Variants in COA4 observed in about 807,000 individuals in gnomAD.
COA4 encodes cytochrome c oxidase assembly factor 4 homolog, mitochondrial.
A neutral mutation model predicts 7.3 loss-of-function variants in COA4; 8 were observed. The ratio of observed to expected loss-of-function variants is 1.10; its 90% CI spans 0.64 to 1.98. COA4 has a LOEUF of 1.98. COA4 is among the 30% of genes most tolerant of loss of function. The probability of loss-of-function intolerance (pLI) is 0.00; values close to 1 mark genes in which losing one functional copy is unlikely to be tolerated. For synonymous variants in COA4, 42 were observed against 44.3 expected, an observed-to-expected ratio of 0.95 and a Z score of 0.21; for missense variants, 96 against 111.2, an observed-to-expected ratio of 0.86 and a Z score of 0.62.
intron 1 of COA4, among the ~76,000 whole-genome samples, chr11:73,875,016 G>T (rs190627422): frequency 6.6e-6 from 1 of 152,260 alleles, no homozygotes; most frequent in East Asian, 1.9e-4. Flanking sequence ...AAGTGAAAGA[G>T]TGCCCAAATA....
In COA4 at chr11:73,873,325, G is replaced by A. The variant is rs767547934; in HGVS notation, c.54C>T (p.Asp18=). The A allele has an allele frequency of 1.3e-5, 21 of 1,614,074 alleles. No individual in the cohort carries two copies. Among genetic ancestry groups the A allele is most frequent in the Middle Eastern group, 1.6e-4 (1 of 6,082 alleles). ...GHTWTQRVKK[D]DEEEDPLDQL... is the part of the protein sequence containing the mutation. ...GGTCCAGCGGGTCCTCCTCCTCATCGTCTTTCTTCACCCGTTGGGTCCAGG... is the reference window on the plus strand; with the variant it reads ...GGTCCAGCGGGTCCTCCTCCTCATCATCTTTCTTCACCCGTTGGGTCCAGG... The change falls in exon 2 of 2, where the codon GAC becomes GAT. Residue 18 remains aspartate, a synonymous_variant. Transcript: ENST00000355693.
chr11:73,873,001 A>C lies in COA4; in HGVS notation c.*114T>G. On this transcript the variant is annotated 3_prime_UTR_variant, in exon 2 of 2. Transcript: ENST00000355693. Reference sequence around the variant, plus strand: ...CATGGCTCTCAACTCCAGATCCAAAAACTCTCCCCATGTTTTAGACCTCCC... The same window carrying C: ...CATGGCTCTCAACTCCAGATCCAAACACTCTCCCCATGTTTTAGACCTCCC... 1.4e-6 allele frequency: 2 copies of C among 1,393,392 alleles called. No individual in the cohort carries two copies. The highest frequency in any genetic ancestry group is 2.4e-5 in the Admixed American group (1 of 41,804). The allele number at this position is 1,393,392 out of a possible 1,614,324, so 86.3% of individuals were successfully genotyped here. A position where few individuals can be genotyped will look rare whatever the true frequency, so the allele number is the denominator to read the frequency against.
In COA4 at chr11:73,873,292, G is replaced by A; in HGVS notation, c.87C>T (p.Ile29=). Residue 29 remains isoleucine (I), a synonymous_variant, in exon 2 of 2, where the codon ATC becomes ATT. Transcript: ENST00000355693. ...GGGAGGCAGCACAGCCAGAGCGGGA[G>A]ATCAGCTGGTCCAGCGGGTCCTCCT... is the stretch of plus-strand genomic sequence containing the variant. ...DEEEDPLDQL[I]SRSGCAASHF... 1 of 1,614,254 alleles carries A rather than the reference G, an allele frequency of 6.2e-7. No individual in the cohort carries two copies. The highest frequency in any genetic ancestry group is 8.5e-7 in the Non-Finnish European group (1 of 1,180,046).
At chr11:73,873,555 T>C (rs1298631655) in intron 1 of COA4, 161 bp from the exon 2 acceptor site, 3 of 629,286 alleles carry the variant, frequency 4.8e-6, no homozygotes, top group Admixed American at 3.4e-5. Context: ...TTTTTTTTTT[T>C]GAGGGTGTCT....
In COA4 at chr11:73,873,138, C is replaced by G. The variant is rs758391794; in HGVS notation, c.241G>C (p.Glu81Gln). Residue 81 changes from glutamate to glutamine, a missense_variant, in exon 2 of 2, where the codon GAA becomes CAA. By Grantham distance (29) the Glu-to-Gln change is conservative (BLOSUM62 2). Transcript: ENST00000355693. Reference sequence around the variant, plus strand: ...TCTCAGTGGTGGGCACCGGCTTGTTCTTGCCTCCTCTGCAGCTCCTCTTGC... The same window carrying G: ...TCTCAGTGGTGGGCACCGGCTTGTTGTTGCCTCCTCTGCAGCTCCTCTTGC... ...RRQEELQRRQ[E>Q]QAGAHH The G allele has an allele frequency of 6.2e-7, 1 of 1,610,162 alleles. No individual in the cohort carries two copies. Among genetic ancestry groups the G allele is most frequent in the Non-Finnish European group, 8.5e-7 (1 of 1,177,542 alleles).
At chr11:73,875,283 T>C (rs745438074) in intron 1 of COA4, among the ~76,000 whole-genome samples, 1 of 152,246 alleles carries the variant, frequency 6.6e-6, no homozygotes, top group Non-Finnish European at 1.5e-5. Context: ...TGATGGGCTG[T>C]AAAGCAACTA....
At chr11:73,873,512 C>A in intron 1 of COA4, 118 bp from the exon 2 acceptor site, 7 of 777,992 alleles carry the variant, frequency 9.0e-6, no homozygotes, top group African/African-American at 1.8e-5. Context: ...CCGTGGGAGA[C>A]TCTAAGCTTG....
chr11:73,875,826 T>A (rs149848516), intron 1 of COA4: 1 of 152,186 alleles, frequency 6.6e-6, no homozygotes, highest in East Asian at 1.9e-4. Flanking sequence ...CAAGAGGGAG[T>A]TAGGCACTTT....
chr11:73,872,912 C>G lies in COA4; in HGVS notation c.*203G>C, dbSNP rs1049411704. On this transcript the variant is annotated 3_prime_UTR_variant, in exon 2 of 2. Coordinates refer to ENST00000355693, the MANE Select transcript of COA4 (RefSeq NM_016565.3). ...GGTAAATACTGGTGGAACAAGACAG[C>G]TGAGAATGTATGACATCTGACCATG... 1 of 611,818 alleles carries G rather than the reference C, an allele frequency of 1.6e-6. No individual in the cohort carries two copies. Among genetic ancestry groups the G allele is most frequent in the African/African-American group, 1.8e-5 (1 of 54,284 alleles). 37.9% of individuals were successfully genotyped at this position (611,818 alleles called of 1,614,324 possible).
Position 73,873,383 on chromosome 11 carries a change from G to C in COA4, c.-5C>G, listed in dbSNP as rs377302874. ...TTGAGGGACTGAGGTTGACATCCTG[G>C]GGATGGGGAGTCTATAGAACATTAA... On this transcript the variant is annotated 5_prime_UTR_variant, in exon 2 of 2. Transcript: ENST00000355693. The C allele has an allele frequency of 6.2e-7, 1 of 1,613,926 alleles. No individual in the cohort carries two copies.
In COA4 at chr11:73,873,087, A is replaced by G. The variant is rs1591021911; in HGVS notation, c.*28T>C. 4 of 1,570,458 alleles carry G rather than the reference A, an allele frequency of 2.5e-6. No homozygotes were observed. The East Asian group carries it at 9.0e-5, about 35-fold the overall frequency. On this transcript the variant is annotated 3_prime_UTR_variant, in exon 2 of 2. Coordinates refer to ENST00000355693, the MANE Select transcript of COA4 (RefSeq NM_016565.3). ...GCTGGGTGCTGGTCTTGGCAGGGCC[A>G]TCTACTGGGGATAGGTGGTTTGGGG...
At position 73,876,822 on chromosome 11, in the gene COA4, T is replaced by C. The variant is rs534910737; in HGVS notation, c.-82A>G. The C allele has an allele frequency of 4.4e-6, 2 of 457,052 alleles. No individual in the cohort carries two copies. The highest frequency in any genetic ancestry group is 7.2e-6 in the Non-Finnish European group (2 of 276,232). 28.3% of individuals were successfully genotyped at this position (457,052 alleles called of 1,614,324 possible). A position where few individuals can be genotyped will look rare whatever the true frequency, so the allele number is the denominator to read the frequency against. On this transcript the variant is annotated 5_prime_UTR_variant, in exon 1 of 2. Transcript: ENST00000355693. ...GCGGCGGCTTGGGTTTCGCAGGCGG[T>C]TGGGGATCCTCTGTACATCCTTTCA...
intron 1 of COA4, among the ~76,000 whole-genome samples, chr11:73,874,214 G>A (rs1333046390): frequency 6.6e-6 from 1 of 152,176 alleles, no homozygotes; most frequent in Non-Finnish European, 1.5e-5. Context: ...TTGGGAGACT[G>A]AGGCAGTCGG....
chr11:73,874,815 G>A (rs1792197), intron 1 of COA4, among the ~76,000 whole-genome samples: 12,063 of 152,040 alleles, frequency 0.079, 661 homozygotes, highest in African/African-American at 0.16. Flanking sequence ...ATGAAACCCC[G>A]TCTCTACTAA....
intron 1 of COA4, among the ~76,000 whole-genome samples, chr11:73,875,009 T>G (rs1948725891): frequency 6.6e-6 from 1 of 151,314 alleles, no homozygotes; most frequent in African/African-American, 2.4e-5. Flanking sequence ...ACAAACAAAG[T>G]GAAAGAGTGC....
At chr11:73,873,432 T>G in intron 1 of COA4, 38 bp from the exon 2 acceptor site, 1 of 1,569,648 alleles carries the variant, frequency 6.4e-7, no homozygotes, top group Non-Finnish European at 8.7e-7. Context: ...GGATATAATA[T>G]GTAAGGTTCC....
At chr11:73,875,327 C>T (rs1948730230) in intron 1 of COA4, among the ~76,000 whole-genome samples, 1 of 152,204 alleles carries the variant, frequency 6.6e-6, no homozygotes, top group African/African-American at 2.4e-5. Flanking sequence ...GTCTCTCATT[C>T]ACTCAACAAA....
rs1471020579 is a variant in COA4 at position 73,873,181 on chromosome 11, A to C, written c.198T>G (p.Ser66Arg). The C allele has an allele frequency of 6.2e-7, 1 of 1,613,288 alleles. No homozygotes were observed. Among genetic ancestry groups the C allele is most frequent in the Admixed American group, 1.7e-5 (1 of 59,948 alleles). Residue 66 changes from serine (S) to arginine (R), a missense_variant, in exon 2 of 2, where the codon AGT becomes AGG. By Grantham distance (110) the Ser-to-Arg change is moderately radical (BLOSUM62 -1). Coordinates refer to ENST00000355693, the MANE Select transcript of COA4 (RefSeq NM_016565.3). ...CCTCTTGCCGCCTCGCCTGCTGTTC[A>C]CTCATGCAATCCTTGAACGCCTGCA... ...PQVQAFKDCM[S>R]EQQARRQEEL...
rs753846634 is a variant in COA4 at position 73,873,225 on chromosome 11, G to A, written c.154C>T (p.Arg52Trp). 3.7e-6 allele frequency: 6 copies of A among 1,614,066 alleles called. No homozygotes were observed. The highest frequency in any genetic ancestry group is 1.1e-5 in the South Asian group (1 of 91,084). The change falls in exon 2 of 2, where the codon CGG becomes TGG. Residue 52 changes from arginine to tryptophan, a missense_variant. Coordinates refer to ENST00000355693, the MANE Select transcript of COA4 (RefSeq NM_016565.3). ...GCCTGCACCTGTGGCTGGCATTGCCGCCAGTCCTGGTGCTGGGCCATGCAC... is the reference window on the plus strand; with the variant it reads ...GCCTGCACCTGTGGCTGGCATTGCCACCAGTCCTGGTGCTGGGCCATGCAC... ...QECMAQHQDWRQCQPQVQAFK... is the reference protein window; with the variant it reads ...QECMAQHQDWWQCQPQVQAFK...
Sources: gnomAD v4.1 joint callset for allele counts (sites outside exome capture counted in the v4.1 genomes callset) on GRCh38, gnomAD v4.1.1 for gene constraint, MANE v1.5 for transcripts, NCBI Gene and HGNC (gene_info 2026-07-23, HGNC 2026-07-21) for gene names.